KRT1: variants seen among roughly 807,000 people sequenced by gnomAD.
The protein encoded by KRT1 is keratin 1, also known as keratin, type II cytoskeletal 1.
In KRT1, 28 loss-of-function variants were observed where a neutral mutation model predicts 51.6. The observed-to-expected ratio is 0.54, with a 90% confidence interval of 0.40 to 0.74. The LOEUF (loss-of-function observed/expected upper bound fraction) is 0.74. Ranked by LOEUF, KRT1 falls within the 30% of genes least tolerant of loss-of-function variation. The pLI is 0.00. For synonymous variants in KRT1, 301 were observed against 307.7 expected (o/e 0.98, Z 0.23); for missense variants, 783 against 815.5 (o/e 0.96, Z 0.49).
rs747243738 is a variant in KRT1 at position 52,680,314 on chromosome 12, C to T, written c.35G>A (p.Arg12Gln). Residue 12 changes from arginine to glutamine, a missense_variant, in exon 1 of 9, where the codon CGA becomes CAA. Transcript: ENST00000252244. Reference protein sequence around the residue: ...SRQFSSRSGYRSGGGFSSGSA... With the variant: ...SRQFSSRSGYQSGGGFSSGSA... ...GCCAGAGCTGAAGCCCCCTCCACTT[C>T]GGTACCCAGACCTGGAACTAAACTG... is the stretch of plus-strand genomic sequence containing the variant. The T allele has an allele frequency of 5.6e-6, 9 of 1,614,142 alleles. No homozygotes were observed. The highest frequency in any genetic ancestry group is 2.2e-5 in the East Asian group (1 of 44,878).
At position 52,679,774 on chromosome 12, in the gene KRT1, G is replaced by A; in HGVS notation, c.575C>T (p.Ala192Val). The change falls in exon 1 of 9, where the codon GCC becomes GTC. Residue 192 changes from alanine to valine, a missense_variant. Transcript: ENST00000252244. Reference sequence around the variant, plus strand: ...GAAACTCACCTTGTCAATGAAGGAGGCAAATTGGTTGTTGAGTGACTTGAT... The same window carrying A: ...GAAACTCACCTTGTCAATGAAGGAGACAAATTGGTTGTTGAGTGACTTGAT... Reference protein sequence around the residue: ...EQIKSLNNQFASFIDKVRFLE... With the variant: ...EQIKSLNNQFVSFIDKVRFLE... 2.5e-6 allele frequency: 4 copies of A among 1,614,186 alleles called. No homozygotes were observed. The highest frequency in any genetic ancestry group is 3.4e-6 in the Non-Finnish European group (4 of 1,180,006).
intron 7 of KRT1, 42 bp downstream of exon 7, chr12:52,676,233 A>T (rs375422458): frequency 7.4e-6 from 11 of 1,493,422 alleles, no homozygotes; most frequent in Non-Finnish European, 9.3e-6. Flanking sequence ...CAAGGAAGGA[A>T]GACCATGAGA....
chr12:52,676,735 G>C (rs527639285), intron 6 of KRT1, among the ~76,000 whole-genome samples: 1 of 152,190 alleles, frequency 6.6e-6, no homozygotes, highest in East Asian at 1.9e-4. Flanking sequence ...TTACAGACTT[G>C]ACATTCTTCT....
rs1298302893 is a variant in KRT1, at chr12:52,679,788, G to C, written c.561C>G (p.Leu187=). ...KSREREQIKS[L]NNQFASFIDK... ...CAATGAAGGAGGCAAATTGGTTGTT[G>C]AGTGACTTGATTTGCTCCCTTTCTC... is the stretch of plus-strand genomic sequence containing the variant. Residue 187 remains leucine, a synonymous_variant, in exon 1 of 9, where the codon CTC becomes CTG. Transcript: ENST00000252244. 6.2e-7 allele frequency: 1 copy of C among 1,614,048 alleles called. No individual in the cohort carries two copies. Among genetic ancestry groups the C allele is most frequent in the African/African-American group, 1.3e-5 (1 of 74,908 alleles).
At position 52,675,419 on chromosome 12, in the gene KRT1, C is replaced by A; in HGVS notation, c.1709G>T (p.Gly570Val). 4.0e-6 allele frequency: 6 copies of A among 1,511,224 alleles called. No homozygotes were observed. The highest frequency in any genetic ancestry group is 5.4e-6 in the Non-Finnish European group (6 of 1,110,670). 93.6% of individuals were successfully genotyped at this position (1,511,224 alleles called of 1,614,324 possible). A position where few individuals can be genotyped will look rare whatever the true frequency, so the allele number is the denominator to read the frequency against. ...GSGGGSYGSG[G>V]GGGGHGSYGS... Reference sequence around the variant, plus strand: ...GTAGCTGCCATGGCCGCCGCCGCCACCTCCAGAGCCATAGCTGCCACCTCC... The same window carrying A: ...GTAGCTGCCATGGCCGCCGCCGCCAACTCCAGAGCCATAGCTGCCACCTCC... The change falls in exon 9 of 9, where the codon GGT becomes GTT. Residue 570 changes from glycine (G) to valine (V), a missense_variant. Transcript: ENST00000252244.
In KRT1 at chr12:52,675,343, GCCGCCGCCTCCAGAGCCA is replaced by G. The variant is rs765750895; in HGVS notation, c.1767_1784del (p.Ser591_Gly596del). ...AGCCCCGGCCGCCAGAGCTGCCGCC[GCCGCCGCCTCCAGAGCCA>G]CCTCTGTAGCCCCCACTGCTGCTTC... On this transcript the variant is annotated inframe_deletion, in exon 9 of 9. Coordinates refer to ENST00000252244, the MANE Select transcript of KRT1 (RefSeq NM_006121.4). 1.2e-6 allele frequency: 2 copies of G among 1,610,536 alleles called. No homozygotes were observed. Among genetic ancestry groups the G allele is most frequent in the Non-Finnish European group, 8.5e-7 (1 of 1,179,300 alleles).
rs75711771 is a variant in KRT1 at position 52,678,575 on chromosome 12, T to A, written c.773A>T (p.Asn258Ile). The A allele has an allele frequency of 6.2e-7, 1 of 1,614,248 alleles. No homozygotes were observed. Among genetic ancestry groups the A allele is most frequent in the African/African-American group, 1.3e-5 (1 of 75,064 alleles). Residue 258 changes from asparagine to isoleucine, a missense_variant, in exon 2 of 9, where the codon AAC (asparagine) becomes ATC (isoleucine). Coordinates refer to ENST00000252244, the MANE Select transcript of KRT1 (RefSeq NM_006121.4). Reference sequence around the variant, plus strand: ...GTAATCCTCCACCATGTCCTGCATGTTCTTCAGTTCCGAATCCAACCGAGA... The same window carrying A: ...GTAATCCTCCACCATGTCCTGCATGATCTTCAGTTCCGAATCCAACCGAGA... ...DQSRLDSELKNMQDMVEDYRN... is the reference protein window; with the variant it reads ...DQSRLDSELKIMQDMVEDYRN...
intron 3 of KRT1, 107 bp downstream of exon 3, chr12:52,678,056 G>A (rs1014966012): frequency 8.5e-6 from 9 of 1,058,048 alleles, no homozygotes; most frequent in African/African-American, 1.6e-5. Context: ...TACTCCCCAG[G>A]TCTACTACCT....
In KRT1 at chr12:52,677,121, T is replaced by C; in HGVS notation, c.1192A>G (p.Ile398Val). The change falls in exon 6 of 9, where the codon ATT (isoleucine) becomes GTT (valine). Residue 398 changes from isoleucine (I) to valine (V), a missense_variant. Coordinates refer to ENST00000252244, the MANE Select transcript of KRT1 (RefSeq NM_006121.4). ...TGGATCACACGATTCAGCTCAGAAATTTCTATCTTTGAATTTCTCACACTA... is the reference window on the plus strand; with the variant it reads ...TGGATCACACGATTCAGCTCAGAAACTTCTATCTTTGAATTTCTCACACTA... ...GDSVRNSKIE[I>V]SELNRVIQRL... is the part of the protein sequence containing the mutation. 6.2e-7 allele frequency: 1 copy of C among 1,614,124 alleles called. No homozygotes were observed.
Position 52,677,752 on chromosome 12 carries a change from G to C in KRT1, c.868-7C>G. On this transcript the variant is annotated splice_region_variant and splice_polypyrimidine_tract_variant and intron_variant, in intron 3 of 8. Coordinates refer to ENST00000252244, the MANE Select transcript of KRT1 (RefSeq NM_006121.4). ...TATAAGCACCATCCACATCCTAGAG[G>C]AACAAGGGACATCATGAAGGCACAT... 2 of 1,612,766 alleles carry C rather than the reference G, an allele frequency of 1.2e-6. No homozygotes were observed.
At chr12:52,679,623 A>C in intron 1 of KRT1, 135 bp downstream of exon 1, 1 of 812,928 alleles carries the variant, frequency 1.2e-6, no homozygotes, top group South Asian at 1.5e-5. Context: ...CATATCTCCT[A>C]GGAGACCATT....
At position 52,680,176 on chromosome 12, in the gene KRT1, G is replaced by A. The variant is rs1941565389; in HGVS notation, c.173C>T (p.Ala58Val). ...SCGGGGGSFG[A>V]GGGFGSRSLV... ...ACTCCGACTTCCAAATCCACCACCAGCACCAAAGCTACCACCACCACCACC... is the reference window on the plus strand; with the variant it reads ...ACTCCGACTTCCAAATCCACCACCAACACCAAAGCTACCACCACCACCACC... The change falls in exon 1 of 9, where the codon GCT becomes GTT. Residue 58 changes from alanine to valine, a missense_variant. Coordinates refer to ENST00000252244, the MANE Select transcript of KRT1 (RefSeq NM_006121.4). 6.2e-7 allele frequency: 1 copy of A among 1,611,436 alleles called. No homozygotes were observed. Among genetic ancestry groups the A allele is most frequent in the Non-Finnish European group, 8.5e-7 (1 of 1,178,756 alleles).
chr12:52,680,224 C>G lies in KRT1; in HGVS notation c.125G>C (p.Gly42Ala). The G allele has an allele frequency of 6.2e-7, 1 of 1,614,160 alleles. No individual in the cohort carries two copies. Among genetic ancestry groups the G allele is most frequent in the Non-Finnish European group, 8.5e-7 (1 of 1,180,004 alleles). The part of the protein sequence containing the change: ...TSSSTRRSGG[G>A]GGRFSSCGGG... ...ACCACAGCTTGAAAATCTCCCACCA[C>G]CTCCTCCACTGCGGCGTGTGGAGCT... The change falls in exon 1 of 9, where the codon GGT becomes GCT. Residue 42 changes from glycine to alanine, a missense_variant. By Grantham distance (60) the Gly-to-Ala change is moderately conservative (BLOSUM62 0). Coordinates refer to ENST00000252244, the MANE Select transcript of KRT1 (RefSeq NM_006121.4).
At position 52,675,436 on chromosome 12, in the gene KRT1, G is replaced by A. The variant is rs1236032603; in HGVS notation, c.1692C>T (p.Gly564=). Reference sequence around the variant, plus strand: ...CGCCGCCACCTCCAGAGCCATAGCTGCCACCTCCGGAGCCGTAGCTGCTAC... The same window carrying A: ...CGCCGCCACCTCCAGAGCCATAGCTACCACCTCCGGAGCCGTAGCTGCTAC... The part of the protein sequence containing the change: ...SGGSSYGSGG[G]SYGSGGGGGG... The change falls in exon 9 of 9, where the codon GGC becomes GGT. Residue 564 remains glycine (G), a synonymous_variant. Transcript: ENST00000252244. The A allele has an allele frequency of 1.3e-6, 2 of 1,492,396 alleles. No homozygotes were observed. Among genetic ancestry groups the A allele is most frequent in the Non-Finnish European group, 1.8e-6 (2 of 1,100,894 alleles). 92.4% of individuals were successfully genotyped at this position (1,492,396 alleles called of 1,614,324 possible).
chr12:52,678,786 T>A (rs374912894), intron 1 of KRT1, 30 bp from the exon 2 acceptor site: 4 of 1,592,818 alleles, frequency 2.5e-6, no homozygotes, highest in Non-Finnish European at 3.4e-6. Context: ...TTACTCCTGA[T>A]GCATAAATGG....
chr12:52,677,005 C>T, intron 6 of KRT1, 54 bp downstream of exon 6: 1 of 1,605,672 alleles, frequency 6.2e-7, no homozygotes, highest in Non-Finnish European at 8.5e-7. Context: ...CGCCCTTTAC[C>T]TGAGGGTTAC....
chr12:52,680,349 G>A lies in KRT1; in HGVS notation c.-1C>T, dbSNP rs763609085. Reference sequence around the variant, plus strand: ...ACCTGGAACTAAACTGTCGACTCATGTTGACTTAGAGAAAAGTAGGAGCAA... The same window carrying A: ...ACCTGGAACTAAACTGTCGACTCATATTGACTTAGAGAAAAGTAGGAGCAA... On this transcript the variant is annotated 5_prime_UTR_variant, in exon 1 of 9. Transcript: ENST00000252244. 1 of 1,613,842 alleles carries A rather than the reference G, an allele frequency of 6.2e-7. No individual in the cohort carries two copies. The highest frequency in any genetic ancestry group is 1.1e-5 in the South Asian group (1 of 91,084).
intron 1 of KRT1, 52 bp from the exon 2 acceptor site, chr12:52,678,808 C>T: frequency 1.3e-6 from 2 of 1,505,698 alleles, no homozygotes; most frequent in African/African-American, 1.4e-5. Context: ...GTCTCATAGC[C>T]ATGGAGAACT....
At position 52,680,312 on chromosome 12, in the gene KRT1, T is replaced by A; in HGVS notation, c.37A>T (p.Ser13Cys). The A allele has an allele frequency of 6.2e-7, 1 of 1,614,060 alleles. No homozygotes were observed. Among genetic ancestry groups the A allele is most frequent in the Non-Finnish European group, 8.5e-7 (1 of 1,179,988 alleles). Residue 13 changes from serine (S) to cysteine (C), a missense_variant, in exon 1 of 9, where the codon AGT (serine) becomes TGT (cysteine). Transcript: ENST00000252244. ...GAGCCAGAGCTGAAGCCCCCTCCAC[T>A]TCGGTACCCAGACCTGGAACTAAAC... ...RQFSSRSGYRSGGGFSSGSAG... is the reference protein window; with the variant it reads ...RQFSSRSGYRCGGGFSSGSAG...
Sources: allele counts gnomAD v4.1 joint callset (sites outside exome capture counted in the v4.1 genomes callset), GRCh38; gene constraint gnomAD v4.1.1; transcripts MANE v1.5; gene names NCBI Gene and HGNC (gene_info 2026-07-23, HGNC 2026-07-21).